NIPSNAP3A: variants seen among roughly 807,000 people sequenced by gnomAD.
NIPSNAP3A encodes nipsnap homolog 3A, also known as protein NipSnap homolog 3A.
A neutral mutation model predicts 32.3 loss-of-function variants in NIPSNAP3A; 27 were observed. The observed-to-expected ratio is 0.84, with a 90% CI of 0.62 to 1.15. The LOEUF is 1.15. Among genes scored for constraint, NIPSNAP3A ranks in the 50% most tolerant of loss-of-function variants. NIPSNAP3A has a pLI of 0.00. For missense variants in NIPSNAP3A, 278 were observed against 297.2 expected, an observed-to-expected ratio of 0.94 and a Z score of 0.48; for synonymous variants, 108 against 107.3, an observed-to-expected ratio of 1.01 and a Z score of -0.04.
intron 4 of NIPSNAP3A, 98 bp from the exon 5 acceptor site, chr9:104,758,971 CAAAAAAAAAAAAAAAA>C: frequency 2.8e-5 from 11 of 399,894 alleles, no homozygotes; most frequent in Middle Eastern, 8.9e-4. Context: ...ACTCTTGTTT[CAAAAAAAAAAAAAAAA>C]AAAAAAAAAG....
chr9:104,757,789 T>G (rs1199999496), intron 4 of NIPSNAP3A, among the ~76,000 whole-genome samples: 1 of 152,116 alleles, frequency 6.6e-6, no homozygotes, highest in African/African-American at 2.4e-5. Flanking sequence ...TGGTGGTTCA[T>G]GCCTGTAATC....
At position 104,759,937 on chromosome 9, in the gene NIPSNAP3A, G is replaced by C. The variant is rs1440971098; in HGVS notation, c.*599G>C. ...TTGGAAAATGATGCTGTTAGGTCCT[G>C]GTATTAAAAATCTAGAAAAGACTTG... On this transcript the variant is annotated 3_prime_UTR_variant, in exon 6 of 6. Coordinates refer to ENST00000374767, the MANE Select transcript of NIPSNAP3A (RefSeq NM_015469.3). 6.6e-6 allele frequency: 1 copy of C among 151,988 alleles called. No individual in the cohort carries two copies. Among genetic ancestry groups the C allele is most frequent in the African/African-American group, 2.4e-5 (1 of 41,346 alleles). The allele number at this position is 151,988 out of a possible 1,614,324, so 9.4% of individuals were successfully genotyped here.
At position 104,759,353 on chromosome 9, in the gene NIPSNAP3A, A is replaced by G; in HGVS notation, c.*15A>G. ...CACTGAAATAGTTTTCTACTGAAAT[A>G]CAAAACATTTCATTAACTGCTATAG... On this transcript the variant is annotated 3_prime_UTR_variant, in exon 6 of 6. Transcript: ENST00000374767. The G allele has an allele frequency of 6.2e-7, 1 of 1,606,310 alleles. No individual in the cohort carries two copies. The highest frequency in any genetic ancestry group is 1.3e-5 in the African/African-American group (1 of 74,896).
chr9:104,756,966 G>C (rs932082036), intron 4 of NIPSNAP3A, among the ~76,000 whole-genome samples: 2 of 151,840 alleles, frequency 1.3e-5, no homozygotes, highest in Admixed American at 1.3e-4. Context: ...ACCATGCCCA[G>C]CTAATTTTTG....
At chr9:104,754,275 A>G (rs1827879762) in intron 3 of NIPSNAP3A, 2 of 263,240 alleles carry the variant, frequency 7.6e-6, no homozygotes, top group Non-Finnish European at 1.4e-5. Flanking sequence ...CAAATGTTAT[A>G]GATTAAAAAT....
chr9:104,755,088 C>T (rs1038791396), intron 4 of NIPSNAP3A, among the ~76,000 whole-genome samples: 1 of 151,738 alleles, frequency 6.6e-6, no homozygotes, highest in Non-Finnish European at 1.5e-5. Flanking sequence ...AAAAATAGAA[C>T]AAATTAGCCA....
At chr9:104,751,377 A>G (rs1220474989) in intron 2 of NIPSNAP3A, among the ~76,000 whole-genome samples, 4 of 152,224 alleles carry the variant, frequency 2.6e-5, no homozygotes, top group African/African-American at 9.6e-5. Context: ...TTGCTTAAAC[A>G]TTACATTATA....
intron 4 of NIPSNAP3A, 62 bp downstream of exon 4, chr9:104,754,762 G>T (rs1381139065): frequency 2.2e-6 from 3 of 1,361,436 alleles, no homozygotes; most frequent in South Asian, 1.2e-5. Flanking sequence ...AAGTTCCTTG[G>T]GTCAGGTTCT....
At position 104,759,415 on chromosome 9, in the gene NIPSNAP3A, G is replaced by T; in HGVS notation, c.*77G>T. On this transcript the variant is annotated 3_prime_UTR_variant, in exon 6 of 6. Coordinates refer to ENST00000374767, the MANE Select transcript of NIPSNAP3A (RefSeq NM_015469.3). ...TAATGGTGCTTAAATTCTCCCAAGA[G>T]GTTCTCACTTTTATTTGAAGGAGGT... is the stretch of plus-strand genomic sequence containing the variant. 1 of 1,418,028 alleles carries T rather than the reference G, an allele frequency of 7.1e-7. No homozygotes were observed. 87.8% of individuals were successfully genotyped at this position (1,418,028 alleles called of 1,614,324 possible).
chr9:104,758,661 A>C (rs1326306749), intron 4 of NIPSNAP3A, among the ~76,000 whole-genome samples: 1 of 152,104 alleles, frequency 6.6e-6, no homozygotes, highest in Non-Finnish European at 1.5e-5. Flanking sequence ...TTTCGATTTA[A>C]AGAATAGGAT....
intron 4 of NIPSNAP3A, 114 bp from the exon 5 acceptor site, chr9:104,758,971 C>CAAAAAAAAAAAA: frequency 2.5e-6 from 1 of 399,894 alleles, no homozygotes; most frequent in African/African-American, 4.4e-5. Flanking sequence ...ACTCTTGTTT[C>CAAAAAAAAAAAA]AAAAAAAAAA....
In NIPSNAP3A at chr9:104,751,114, G is replaced by C. The variant is rs753810167; in HGVS notation, c.219G>C (p.Trp73Cys). The change falls in exon 2 of 6, where the codon TGG becomes TGC. Residue 73 changes from tryptophan (W) to cysteine (C), a missense_variant. Transcript: ENST00000374767. Reference protein sequence around the residue: ...RTAHSELVGYWSVEFGGRMNT... With the variant: ...RTAHSELVGYCSVEFGGRMNT... The stretch of plus-strand genomic sequence containing the variant: ...CTCACTCTGAATTGGTTGGATACTG[G>C]AGTGTAGAATTTGGAGGCAGAATGA... 1 of 1,614,020 alleles carries C rather than the reference G, an allele frequency of 6.2e-7. No individual in the cohort carries two copies. Among genetic ancestry groups the C allele is most frequent in the African/African-American group, 1.3e-5 (1 of 75,042 alleles).
At chr9:104,750,848 G>A (rs1827839405) in intron 1 of NIPSNAP3A, 108 bp from the exon 2 acceptor site, 3 of 860,134 alleles carry the variant, frequency 3.5e-6, no homozygotes, top group Non-Finnish European at 5.9e-6. Flanking sequence ...GTACAAACAT[G>A]AGTAATGAGT....
chr9:104,754,805 G>A, intron 4 of NIPSNAP3A, 105 bp downstream of exon 4: 3 of 844,712 alleles, frequency 3.6e-6, no homozygotes, highest in Non-Finnish European at 5.6e-6. Flanking sequence ...ATTATTTATT[G>A]CCAAATGTTT....
At chr9:104,747,963 C>T (rs955017746) in intron 1 of NIPSNAP3A, 111 bp downstream of exon 1, 15 of 1,085,034 alleles carry the variant, frequency 1.4e-5, no homozygotes, top group Non-Finnish European at 1.9e-5. Flanking sequence ...CCACGCGCGC[C>T]CAGACCTGGG....
chr9:104,752,216 A>G (rs1441186814), intron 2 of NIPSNAP3A, among the ~76,000 whole-genome samples: 2 of 152,162 alleles, frequency 1.3e-5, no homozygotes, highest in Admixed American at 1.3e-4. Context: ...TGTTTGGGTA[A>G]CTTAAATAGA....
intron 4 of NIPSNAP3A, among the ~76,000 whole-genome samples, chr9:104,757,050 C>A (rs1827914840): frequency 6.6e-6 from 1 of 152,220 alleles, no homozygotes; most frequent in Admixed American, 6.5e-5. Context: ...CCGCCTCGGC[C>A]TCCCAAAGTG....
chr9:104,758,871 G>A (rs1412264803), intron 4 of NIPSNAP3A, among the ~76,000 whole-genome samples: 2 of 149,542 alleles, frequency 1.3e-5, no homozygotes, highest in Admixed American at 6.7e-5. Context: ...TCAGGAGGCT[G>A]AGGCAGGAGA....
At position 104,747,779 on chromosome 9, in the gene NIPSNAP3A, G is replaced by A; in HGVS notation, c.-14G>A. ...GACACGGCTGGCTGCTTTTCTCAGC[G>A]CCGAAGCCGCGCCATGCTCGTCCTC... On this transcript the variant is annotated 5_prime_UTR_variant, in exon 1 of 6. Transcript: ENST00000374767. The A allele has an allele frequency of 6.2e-7, 1 of 1,606,006 alleles. No individual in the cohort carries two copies. The highest frequency in any genetic ancestry group is 8.5e-7 in the Non-Finnish European group (1 of 1,177,716).
Sources: gnomAD v4.1 joint callset for allele counts (sites outside exome capture counted in the v4.1 genomes callset) on GRCh38, gnomAD v4.1.1 for gene constraint, MANE v1.5 for transcripts, NCBI Gene and HGNC (gene_info 2026-07-23, HGNC 2026-07-21) for gene names.